MSH3: variants seen among roughly 807,000 people sequenced by gnomAD.
MSH3 encodes DNA mismatch repair protein Msh3.
Under a neutral mutation model 123.3 loss-of-function variants are expected in MSH3, and 106 were observed. The observed-to-expected ratio is 0.86, with a 90% CI of 0.73 to 1.01. The LOEUF (loss-of-function observed/expected upper bound fraction) is 1.01. Among genes scored for constraint, MSH3 ranks in the 50% least tolerant of loss-of-function variants. The pLI is 0.00. For synonymous variants in MSH3, 515 were observed against 481.4 expected (o/e 1.07, Z -0.91); for missense variants, 1,459 against 1,347.6 (o/e 1.08, Z -1.29).
At chr5:80,782,958 T>G (rs944334335) in intron 17 of MSH3, among the ~76,000 whole-genome samples, 1 of 152,202 alleles carries the variant, frequency 6.6e-6, no homozygotes. Context: ...GATTAAATCC[T>G]CCCTTGAAAC....
intron 8 of MSH3, among the ~76,000 whole-genome samples, chr5:80,688,572 T>C (rs1412768081): frequency 6.6e-6 from 1 of 152,078 alleles, no homozygotes; most frequent in Non-Finnish European, 1.5e-5. Flanking sequence ...ACTTTGACTT[T>C]CAAGTTTTTA....
chr5:80,703,814 T>A (rs549781446), intron 8 of MSH3, among the ~76,000 whole-genome samples: 1 of 152,182 alleles, frequency 6.6e-6, no homozygotes, highest in Admixed American at 6.5e-5. Flanking sequence ...GTTTTTTTTT[T>A]AATTGGTTTG....
chr5:80,762,042 A>C (rs1658342516), intron 13 of MSH3, among the ~76,000 whole-genome samples: 1 of 152,106 alleles, frequency 6.6e-6, no homozygotes, highest in Non-Finnish European at 1.5e-5. Flanking sequence ...TCTTAGAACA[A>C]CTTATTGTTT....
chr5:80,843,142 TC>T (rs1745656932), intron 20 of MSH3, among the ~76,000 whole-genome samples: 1 of 152,016 alleles, frequency 6.6e-6, no homozygotes, highest in Non-Finnish European at 1.5e-5. Flanking sequence ...GAAGGCCTTT[TC>T]TACATCTATT....
intron 19 of MSH3, 138 bp downstream of exon 19, chr5:80,792,982 T>C (rs1744634948): frequency 3.1e-6 from 2 of 635,606 alleles, no homozygotes; most frequent in Admixed American, 2.8e-5. Context: ...TAGTTTTATA[T>C]TTACCACGAA....
At chr5:80,872,907 A>T (rs1746245775) in intron 22 of MSH3, among the ~76,000 whole-genome samples, 1 of 152,226 alleles carries the variant, frequency 6.6e-6, no homozygotes, top group African/African-American at 2.4e-5. Flanking sequence ...GAACTAAAAG[A>T]TAGATCCTAT....
At chr5:80,725,587 C>T (rs768281275) in intron 9 of MSH3, 22 bp downstream of exon 9, 4 of 1,519,138 alleles carry the variant, frequency 2.6e-6, no homozygotes, top group South Asian at 2.2e-5. Flanking sequence ...CCCTGTATGT[C>T]CTCAAGTTGA....
intron 15 of MSH3, among the ~76,000 whole-genome samples, chr5:80,771,984 TTG>T (rs975773457): frequency 6.6e-6 from 1 of 152,074 alleles, no homozygotes; most frequent in African/African-American, 2.4e-5. Context: ...GTATGAATGT[TTG>T]TGTGTATGTA....
intron 19 of MSH3, among the ~76,000 whole-genome samples, chr5:80,795,643 C>G (rs574312565): frequency 6.6e-6 from 1 of 152,268 alleles, no homozygotes; most frequent in East Asian, 1.9e-4. Flanking sequence ...ATATTCATAC[C>G]ATAGCAACCT....
chr5:80,709,419 G>A (rs568155920), intron 8 of MSH3, among the ~76,000 whole-genome samples: 12 of 152,246 alleles, frequency 7.9e-5, no homozygotes, highest in African/African-American at 2.9e-4. Context: ...TCAGGAGATC[G>A]AGACCATCCT....
chr5:80,837,569 C>T (rs1288917903), intron 20 of MSH3, among the ~76,000 whole-genome samples: 5 of 128,550 alleles, frequency 3.9e-5, no homozygotes, highest in Non-Finnish European at 7.2e-5. Flanking sequence ...CAGAGCCAGA[C>T]CTTGTCTAAA....
intron 3 of MSH3, among the ~76,000 whole-genome samples, chr5:80,669,492 G>A (rs1345143568): frequency 6.6e-6 from 1 of 152,188 alleles, no homozygotes; most frequent in Non-Finnish European, 1.5e-5. Flanking sequence ...CTCACAGAAA[G>A]GTAAGAATAG....
intron 10 of MSH3, 28 bp downstream of exon 10, chr5:80,728,993 A>G (rs770540275): frequency 1.6e-6 from 2 of 1,224,688 alleles, no homozygotes; most frequent in African/African-American, 1.5e-5. Flanking sequence ...AATTAAAAAA[A>G]GGGGGAGCTT....
rs1358393913 is a variant in MSH3 at position 80,792,753 on chromosome 5, G to A, written c.2564G>A (p.Arg855Lys). ...TGCAGACCAACTGTACAAGAAGAAA[G>A]AAAAATTGTAATAAAAAATGGAAGG... The part of the protein sequence containing the change: ...DYCRPTVQEE[R>K]KIVIKNGRHP... The change falls in exon 19 of 24, where the codon AGA becomes AAA. Residue 855 changes from arginine to lysine, a missense_variant. Transcript: ENST00000265081. 6.2e-7 allele frequency: 1 copy of A among 1,612,096 alleles called. No homozygotes were observed. The highest frequency in any genetic ancestry group is 8.5e-7 in the Non-Finnish European group (1 of 1,178,634).
At position 80,813,606 on chromosome 5, in the gene MSH3, T is replaced by A; in HGVS notation, c.2678T>A (p.Ile893Lys). ...DLSEDSERVM[I>K]ITGPNMGGKS... ...CAGGAGGACTCAGAGAGAGTAATGA[T>A]AATTACCGGACCAAACATGGGTGGA... Residue 893 changes from isoleucine to lysine, a missense_variant, in exon 20 of 24, where the codon ATA becomes AAA. Physicochemically the swap from Ile to Lys is moderately radical, Grantham distance 102. Transcript: ENST00000265081. 1 of 1,614,134 alleles carries A rather than the reference T, an allele frequency of 6.2e-7. No homozygotes were observed. Among genetic ancestry groups the A allele is most frequent in the Non-Finnish European group, 8.5e-7 (1 of 1,180,008 alleles).
chr5:80,835,566 C>T (rs373283301), intron 20 of MSH3, among the ~76,000 whole-genome samples: 5 of 151,992 alleles, frequency 3.3e-5, no homozygotes, highest in African/African-American at 9.7e-5. Flanking sequence ...CTAATTAGGT[C>T]ATTGTGAAAA....
chr5:80,775,247 A>G (rs1055120788), intron 15 of MSH3, among the ~76,000 whole-genome samples: 4 of 152,202 alleles, frequency 2.6e-5, no homozygotes, highest in Admixed American at 2.0e-4. Flanking sequence ...TTGGATAAAA[A>G]CTATCTAAAA....
At chr5:80,873,985 A>G (rs1277536836) in intron 23 of MSH3, among the ~76,000 whole-genome samples, 1 of 151,942 alleles carries the variant, frequency 6.6e-6, no homozygotes, top group African/African-American at 2.4e-5. Context: ...CTCCCCATCC[A>G]CCTACTGCCC....
At chr5:80,685,628 T>C (rs930015448) in intron 8 of MSH3, among the ~76,000 whole-genome samples, 1 of 152,110 alleles carries the variant, frequency 6.6e-6, no homozygotes, top group African/African-American at 2.4e-5. Flanking sequence ...TGTTGATCTT[T>C]TGTATTTTCT....
Sources: gnomAD v4.1 joint callset for allele counts (sites outside exome capture counted in the v4.1 genomes callset) on GRCh38, gnomAD v4.1.1 for gene constraint, MANE v1.5 for transcripts, NCBI Gene and HGNC (gene_info 2026-07-23, HGNC 2026-07-21) for gene names.